OXR1: variants seen among roughly 807,000 people sequenced by gnomAD.
The protein encoded by OXR1 is oxidation resistance 1, also known as oxidation resistance protein 1.
In OXR1, 41 loss-of-function variants were observed where a neutral mutation model predicts 104.6. The ratio of observed to expected loss-of-function variants is 0.39; its 90% CI spans 0.31 to 0.51. The LOEUF is 0.51. Among genes scored for constraint, OXR1 ranks in the 20% least tolerant of loss-of-function variants. The pLI is 0.77. For missense variants in OXR1, 955 were observed against 1,031.9 expected, an observed-to-expected ratio of 0.93 and a Z score of 1.02; for synonymous variants, 348 against 348.4, an observed-to-expected ratio of 1.00 and a Z score of 0.01.
intron 3 of OXR1, among the ~76,000 whole-genome samples, chr8:106,547,634 A>T (rs1815472533): frequency 1.3e-5 from 2 of 151,774 alleles, no homozygotes; most frequent in Non-Finnish European, 2.9e-5. Flanking sequence ...CTGGGATAAC[A>T]GGTGCACATG....
At chr8:106,616,920 C>G (rs561877193) in intron 3 of OXR1, among the ~76,000 whole-genome samples, 1 of 152,312 alleles carries the variant, frequency 6.6e-6, no homozygotes, top group Admixed American at 6.5e-5. Flanking sequence ...GTTGTGATCT[C>G]TGCCCTCAAA....
intron 2 of OXR1, among the ~76,000 whole-genome samples, chr8:106,386,863 G>A (rs906439895): frequency 7.2e-5 from 11 of 152,160 alleles, no homozygotes; most frequent in African/African-American, 2.7e-4. Context: ...TCCATCATGT[G>A]GATAGGCTGA....
intron 2 of OXR1, among the ~76,000 whole-genome samples, chr8:106,374,090 C>A (rs1026150136): frequency 6.6e-6 from 1 of 152,170 alleles, no homozygotes; most frequent in South Asian, 2.1e-4. Flanking sequence ...TTAAACATTA[C>A]ATAATTGCCT....
chr8:106,345,390 T>C (rs2130286210), intron 1 of OXR1, among the ~76,000 whole-genome samples: 1 of 152,360 alleles, frequency 6.6e-6, no homozygotes, highest in East Asian at 1.9e-4. Flanking sequence ...AACACATATA[T>C]TCCTGCAATA....
intron 1 of OXR1, among the ~76,000 whole-genome samples, chr8:106,274,606 C>CG (rs997657287): frequency 2.9e-5 from 4 of 136,382 alleles, no homozygotes; most frequent in South Asian, 2.9e-4. Context: ...CGCCACCCCC[C>CG]CCCCGACCCC....
chr8:106,739,735 A>G (rs1467600783), intron 13 of OXR1, 152 bp downstream of exon 13: 1 of 659,668 alleles, frequency 1.5e-6, no homozygotes, highest in Non-Finnish European at 2.5e-6. Context: ...CATAGCAACT[A>G]GTGTTAATTA....
chr8:106,700,637 A>G (rs964696086), intron 7 of OXR1, among the ~76,000 whole-genome samples: 12 of 152,214 alleles, frequency 7.9e-5, no homozygotes, highest in Admixed American at 7.2e-4. Context: ...AATGATTTGT[A>G]TAGTTACAGT....
At chr8:106,422,364 T>G (rs1417975438) in intron 2 of OXR1, among the ~76,000 whole-genome samples, 2 of 152,158 alleles carry the variant, frequency 1.3e-5, no homozygotes, top group African/African-American at 4.8e-5. Context: ...AGAGCACCTC[T>G]CTTCAAACGT....
chr8:106,747,849 T>G (rs1372526099), intron 16 of OXR1, among the ~76,000 whole-genome samples: 1 of 152,230 alleles, frequency 6.6e-6, no homozygotes, highest in African/African-American at 2.4e-5. Context: ...TAATAAAACT[T>G]ACTGCAGCAT....
intron 2 of OXR1, among the ~76,000 whole-genome samples, chr8:106,380,356 C>T (rs1817093495): frequency 3.3e-5 from 5 of 152,102 alleles, no homozygotes; most frequent in Admixed American, 2.0e-4. Flanking sequence ...ATACTTTACT[C>T]ATGCATTCAT....
intron 3 of OXR1, among the ~76,000 whole-genome samples, chr8:106,671,967 A>C (rs1405587909): frequency 8.7e-6 from 1 of 114,668 alleles, no homozygotes; most frequent in East Asian, 3.1e-4. Flanking sequence ...TTAAAGTATA[A>C]TAATAATAAT....
intron 3 of OXR1, among the ~76,000 whole-genome samples, chr8:106,585,943 G>A (rs887926021): frequency 9.2e-5 from 14 of 152,152 alleles, no homozygotes; most frequent in Non-Finnish European, 1.9e-4. Flanking sequence ...GAGAGATAAT[G>A]GGGGCTAAAT....
intron 2 of OXR1, among the ~76,000 whole-genome samples, chr8:106,509,145 T>C (rs1812361035): frequency 6.6e-6 from 1 of 152,176 alleles, no homozygotes; most frequent in Non-Finnish European, 1.5e-5. Flanking sequence ...CCATCAAAGG[T>C]AATGAAATTA....
chr8:106,525,995 G>C (rs1171400302), intron 3 of OXR1, among the ~76,000 whole-genome samples: 1 of 152,148 alleles, frequency 6.6e-6, no homozygotes, highest in Non-Finnish European at 1.5e-5. Context: ...AAAGTCCTGT[G>C]AATAAAAGAT....
intron 11 of OXR1, among the ~76,000 whole-genome samples, chr8:106,724,517 G>A (rs1006645023): frequency 1.3e-5 from 2 of 152,196 alleles, no homozygotes; most frequent in Non-Finnish European, 2.9e-5. Flanking sequence ...GTTGTTTCTC[G>A]AAGTGTAGTT....
chr8:106,492,433 A>G (rs191076248), intron 2 of OXR1, among the ~76,000 whole-genome samples: 1 of 152,318 alleles, frequency 6.6e-6, no homozygotes, highest in Admixed American at 6.5e-5. Context: ...GGAGGAAAAT[A>G]AGAGACTAAA....
intron 2 of OXR1, among the ~76,000 whole-genome samples, chr8:106,451,103 G>A (rs1162208127): frequency 1.3e-5 from 2 of 152,096 alleles, no homozygotes; most frequent in African/African-American, 4.8e-5. Context: ...ATATTCTAAT[G>A]TCTAAATGAA....
intron 1 of OXR1, among the ~76,000 whole-genome samples, chr8:106,336,117 A>G (rs1208047783): frequency 6.6e-6 from 1 of 152,208 alleles, no homozygotes; most frequent in Non-Finnish European, 1.5e-5. Context: ...TAATAGAAAT[A>G]AAAAGGCTAA....
chr8:106,563,101 G>T (rs1183065083), intron 3 of OXR1, among the ~76,000 whole-genome samples: 1 of 152,080 alleles, frequency 6.6e-6, no homozygotes, highest in East Asian at 1.9e-4. Flanking sequence ...ATAATGACAG[G>T]ATCAAATTCT....
Sources: gnomAD v4.1 joint callset for allele counts (sites outside exome capture counted in the v4.1 genomes callset) on GRCh38, gnomAD v4.1.1 for gene constraint, MANE v1.5 for transcripts, NCBI Gene and HGNC (gene_info 2026-07-23, HGNC 2026-07-21) for gene names.